Variants in LDLRAD3 observed in about 807,000 individuals in gnomAD.
LDLRAD3 encodes the protein low-density lipoprotein receptor class A domain-containing protein 3.
LDLRAD3 carries 20 observed loss-of-function variants against 29.4 expected under a neutral mutation model. The observed-to-expected ratio is 0.68, with a 90% CI of 0.48 to 0.99. The LOEUF (loss-of-function observed/expected upper bound fraction) is 0.99, where lower values mean the gene tolerates loss of function less well. Ranked by LOEUF, LDLRAD3 falls within the 50% of genes least tolerant of loss-of-function variation. The pLI is 0.00. For missense variants in LDLRAD3, 420 were observed against 454.3 expected (o/e 0.92, Z 0.69); for synonymous variants, 157 against 192.7 (o/e 0.81, Z 1.53).
At chr11:36,055,677 C>G (rs898704381) in intron 2 of LDLRAD3, among the ~76,000 whole-genome samples, 1 of 152,254 alleles carries the variant, frequency 6.6e-6, no homozygotes, top group African/African-American at 2.4e-5. Flanking sequence ...AGACACTTGC[C>G]TGTGGTCTTC....
intron 4 of LDLRAD3, among the ~76,000 whole-genome samples, chr11:36,158,525 CTTT>C (rs61352747): frequency 7.5e-5 from 8 of 107,068 alleles, no homozygotes; most frequent in Non-Finnish European, 1.3e-4. Context: ...ATGTTCTGGG[CTTT>C]TTTTTTTTTT....
In LDLRAD3 at chr11:36,083,594, C is replaced by T. The variant is rs184528871; in HGVS notation, c.319+1816C>T. 3.9e-5 allele frequency among the ~76,000 whole-genome samples: 6 copies of T among 152,098 alleles called. No homozygotes were observed. In the East Asian group the frequency reaches 1.2e-3, roughly 29 times the overall value. On this transcript the variant is annotated intron_variant, in intron 3 of 5. Transcript: ENST00000315571. ...TTTAAAACAAAACTGTAAGAGAAGA[C>T]CATAGTTACTAGGATTTTGCCTTTG...
chr11:36,000,679 T>A (rs1851812487), intron 1 of LDLRAD3, among the ~76,000 whole-genome samples: 1 of 152,102 alleles, frequency 6.6e-6, no homozygotes, highest in Non-Finnish European at 1.5e-5. Context: ...GGAGGAAATA[T>A]CCTGGATGAT....
At chr11:36,124,290 T>A (rs962272709) in intron 4 of LDLRAD3, among the ~76,000 whole-genome samples, 6 of 152,220 alleles carry the variant, frequency 3.9e-5, no homozygotes, top group Non-Finnish European at 8.8e-5. Context: ...TGGAGAAAAC[T>A]TGGAGTTTGT....
At chr11:36,198,389 A>C (rs1365393719) in intron 4 of LDLRAD3, among the ~76,000 whole-genome samples, 2 of 152,102 alleles carry the variant, frequency 1.3e-5, no homozygotes, top group Non-Finnish European at 2.9e-5. Context: ...ACACACACAC[A>C]CACTTTCTCA....
chr11:36,112,099 G>GAAAT (rs143302254), intron 4 of LDLRAD3, among the ~76,000 whole-genome samples: 11,013 of 152,144 alleles, frequency 0.072, 779 homozygotes, highest in East Asian at 0.32. Context: ...CAGAAATAGA[G>GAAAT]AGAGAATAAG....
At chr11:36,181,332 T>C (rs71480102) in intron 4 of LDLRAD3, among the ~76,000 whole-genome samples, 3,362 of 152,262 alleles carry the variant, frequency 0.022, 118 homozygotes, top group African/African-American at 0.075. Context: ...CAGCTATTTT[T>C]CCACAAATTA....
chr11:36,035,645 C>T (rs1852293931), intron 1 of LDLRAD3, among the ~76,000 whole-genome samples: 1 of 152,144 alleles, frequency 6.6e-6, no homozygotes, highest in South Asian at 2.1e-4. Context: ...GGTATTCCTT[C>T]CAACTTGGCC....
intron 1 of LDLRAD3, among the ~76,000 whole-genome samples, chr11:35,976,350 T>A (rs1230561031): frequency 6.6e-5 from 10 of 151,968 alleles, no homozygotes; most frequent in Non-Finnish European, 1.3e-4. Context: ...TGCAGAGGGG[T>A]CATATCTTGG....
intron 4 of LDLRAD3, among the ~76,000 whole-genome samples, chr11:36,143,937 C>A (rs1590303993): frequency 7.6e-6 from 1 of 132,436 alleles, no homozygotes; most frequent in Non-Finnish European, 1.6e-5. Context: ...TCCCCCTCCC[C>A]CTCCCCCTCC....
chr11:36,042,113 A>G (rs569626937), intron 2 of LDLRAD3, among the ~76,000 whole-genome samples: 7 of 152,246 alleles, frequency 4.6e-5, no homozygotes, highest in African/African-American at 1.4e-4. Flanking sequence ...CACGAAATAT[A>G]AGAGCAAGAA....
intron 1 of LDLRAD3, among the ~76,000 whole-genome samples, chr11:35,950,598 A>G (rs960739953): frequency 2.0e-5 from 3 of 152,062 alleles, no homozygotes; most frequent in African/African-American, 7.2e-5. Context: ...TACCTTCTAA[A>G]TCCTGCTAGA....
At chr11:35,978,756 A>G (rs1313704006) in intron 1 of LDLRAD3, among the ~76,000 whole-genome samples, 1 of 152,260 alleles carries the variant, frequency 6.6e-6, no homozygotes, top group Non-Finnish European at 1.5e-5. Context: ...TCAATGAAAC[A>G]TTAAAATTTT....
chr11:36,222,427 T>C (rs114999514), intron 4 of LDLRAD3, among the ~76,000 whole-genome samples: 1,529 of 152,142 alleles, frequency 0.01, 35 homozygotes, highest in African/African-American at 0.036. Flanking sequence ...TATATATTAT[T>C]AGCTCCTCCA....
At chr11:35,965,100 C>T (rs1851322981) in intron 1 of LDLRAD3, among the ~76,000 whole-genome samples, 1 of 151,376 alleles carries the variant, frequency 6.6e-6, no homozygotes, top group Non-Finnish European at 1.5e-5. Flanking sequence ...TATTATGGAC[C>T]AGTAAAGTAA....
At chr11:35,984,512 G>C (rs1487942211) in intron 1 of LDLRAD3, among the ~76,000 whole-genome samples, 1 of 152,210 alleles carries the variant, frequency 6.6e-6, no homozygotes, top group Non-Finnish European at 1.5e-5. Context: ...CAGGTCATCT[G>C]TACCGCTTTG....
chr11:36,080,750 CGAATG>C (rs1853100918), intron 2 of LDLRAD3, among the ~76,000 whole-genome samples: 1 of 152,106 alleles, frequency 6.6e-6, no homozygotes, highest in Non-Finnish European at 1.5e-5. Context: ...AGGTAAAAGA[CGAATG>C]GAATAAAGTC....
At chr11:36,127,256 T>G (rs1480273235) in intron 4 of LDLRAD3, among the ~76,000 whole-genome samples, 1 of 152,222 alleles carries the variant, frequency 6.6e-6, no homozygotes. Context: ...ACTACAGATT[T>G]GCATATGGAA....
chr11:36,196,182 T>A (rs1444072270), intron 4 of LDLRAD3: 5 of 152,224 alleles, frequency 3.3e-5, no homozygotes, highest in Admixed American at 3.3e-4. Context: ...ATCTAATATC[T>A]TTGGCATGAG....
Sources: gnomAD v4.1 joint callset for allele counts (sites outside exome capture counted in the v4.1 genomes callset) on GRCh38, gnomAD v4.1.1 for gene constraint, MANE v1.5 for transcripts, NCBI Gene and HGNC (gene_info 2026-07-23, HGNC 2026-07-21) for gene names.